IMMP2L: variants seen among roughly 807,000 people sequenced by gnomAD.
The protein encoded by IMMP2L is inner mitochondrial membrane peptidase subunit 2, also known as mitochondrial inner membrane protease subunit 2.
In IMMP2L, 18 loss-of-function variants were observed where a neutral mutation model predicts 19.3. That is an observed-to-expected ratio of 0.93 (90% CI 0.64 to 1.38). The LOEUF (loss-of-function observed/expected upper bound fraction) is 1.38, where lower values mean the gene tolerates loss of function less well. Among genes scored for constraint, IMMP2L ranks in the 40% most tolerant of loss-of-function variants. The pLI, the probability that IMMP2L is intolerant of heterozygous loss-of-function variation, is 0.00. For synonymous variants in IMMP2L, 76 were observed against 73.0 expected (o/e 1.04, Z -0.21); for missense variants, 233 against 218.2 (o/e 1.07, Z -0.43).
chr7:110,922,190 C>A (rs1261980246), intron 4 of IMMP2L, among the ~76,000 whole-genome samples: 1 of 152,106 alleles, frequency 6.6e-6, no homozygotes, highest in Non-Finnish European at 1.5e-5. Flanking sequence ...ATAGCTGTTA[C>A]CTATTTAAGA....
intron 3 of IMMP2L, among the ~76,000 whole-genome samples, chr7:110,996,368 A>G (rs1172073878): frequency 6.6e-6 from 1 of 152,122 alleles, no homozygotes; most frequent in African/African-American, 2.4e-5. Context: ...GCGGGAGCAG[A>G]GAGAACGAGA....
chr7:111,394,002 A>T (rs1246781009), intron 3 of IMMP2L, among the ~76,000 whole-genome samples: 1 of 152,186 alleles, frequency 6.6e-6, no homozygotes, highest in Admixed American at 6.5e-5. Flanking sequence ...ACTGATTTCA[A>T]AATAGGAAAC....
intron 5 of IMMP2L, among the ~76,000 whole-genome samples, chr7:110,744,649 C>A (rs1797208973): frequency 6.6e-6 from 1 of 152,172 alleles, no homozygotes; most frequent in Admixed American, 6.5e-5. Context: ...AGACCTGCAG[C>A]AGAGAGGCCT....
intron 2 of IMMP2L, among the ~76,000 whole-genome samples, chr7:111,504,695 A>C (rs1241081061): frequency 6.6e-6 from 1 of 152,208 alleles, no homozygotes; most frequent in Non-Finnish European, 1.5e-5. Context: ...GATCTTTGAC[A>C]AACCTGACAA....
intron 3 of IMMP2L, among the ~76,000 whole-genome samples, chr7:111,024,686 T>G (rs1826637945): frequency 6.6e-6 from 1 of 152,204 alleles, no homozygotes; most frequent in Admixed American, 6.5e-5. Context: ...TCCCTGGCTT[T>G]TATCCTTTCA....
chr7:110,954,864 G>T (rs1818207496), intron 4 of IMMP2L, among the ~76,000 whole-genome samples: 2 of 152,014 alleles, frequency 1.3e-5, no homozygotes, highest in South Asian at 4.1e-4. Context: ...ACAGGGGTGG[G>T]GAGAGTATCA....
chr7:110,700,656 G>A (rs1794217949), intron 5 of IMMP2L, among the ~76,000 whole-genome samples: 1 of 152,114 alleles, frequency 6.6e-6, no homozygotes. Context: ...GCTCTCCAGT[G>A]TTCATGGGTT....
intron 3 of IMMP2L, among the ~76,000 whole-genome samples, chr7:111,230,118 G>T (rs578188181): frequency 6.6e-6 from 1 of 152,038 alleles, no homozygotes; most frequent in African/African-American, 2.4e-5. Flanking sequence ...TGAGTTGCTG[G>T]GGTGACAGGG....
intron 3 of IMMP2L, among the ~76,000 whole-genome samples, chr7:111,363,055 T>C (rs1829412506): frequency 6.6e-6 from 1 of 152,144 alleles, no homozygotes; most frequent in African/African-American, 2.4e-5. Context: ...ATTCCTTCAC[T>C]ACTCCAAGTG....
At chr7:110,706,248 A>C (rs991449516) in intron 5 of IMMP2L, among the ~76,000 whole-genome samples, 5 of 152,012 alleles carry the variant, frequency 3.3e-5, no homozygotes, top group African/African-American at 4.8e-5. Context: ...GACTATGAGC[A>C]TGTGCCACCA....
intron 3 of IMMP2L, among the ~76,000 whole-genome samples, chr7:111,090,350 G>T (rs754555964): frequency 6.6e-6 from 1 of 151,712 alleles, no homozygotes; most frequent in Non-Finnish European, 1.5e-5. Flanking sequence ...TATTACAATC[G>T]AAATATTTCC....
intron 5 of IMMP2L, among the ~76,000 whole-genome samples, chr7:110,736,580 G>A (rs1441792908): frequency 1.3e-5 from 2 of 152,174 alleles, no homozygotes; most frequent in Admixed American, 6.5e-5. Context: ...TTCCACCCCA[G>A]TATATCCAGA....
intron 3 of IMMP2L, among the ~76,000 whole-genome samples, chr7:111,069,719 C>T (rs183441039): frequency 1.3e-5 from 2 of 151,998 alleles, no homozygotes; most frequent in East Asian, 3.9e-4. Flanking sequence ...CATGAGGAGG[C>T]GAGATGGGGT....
chr7:111,238,198 G>A (rs549173929), intron 3 of IMMP2L, among the ~76,000 whole-genome samples: 1 of 152,088 alleles, frequency 6.6e-6, no homozygotes, highest in South Asian at 2.1e-4. Flanking sequence ...GGAGTAATCA[G>A]AAAACAATCC....
At chr7:111,029,256 A>C (rs1395831790) in intron 3 of IMMP2L, among the ~76,000 whole-genome samples, 1 of 152,198 alleles carries the variant, frequency 6.6e-6, no homozygotes. Flanking sequence ...AAGGATGGTC[A>C]AACAGAGAAT....
intron 3 of IMMP2L, among the ~76,000 whole-genome samples, chr7:111,069,894 T>C (rs961550239): frequency 2.3e-4 from 35 of 152,182 alleles, no homozygotes; most frequent in African/African-American, 8.0e-4. Context: ...TAAAAAGTTA[T>C]TCTACTATTT....
At chr7:111,065,913 T>TGTGC (rs1554506172) in intron 3 of IMMP2L, among the ~76,000 whole-genome samples, 1 of 149,342 alleles carries the variant, frequency 6.7e-6, no homozygotes, top group East Asian at 2.0e-4. Context: ...TGTGTGTGTG[T>TGTGC]GCGCGCGCGT....
chr7:111,389,912 T>A (rs1008512187), intron 3 of IMMP2L, among the ~76,000 whole-genome samples: 1 of 152,132 alleles, frequency 6.6e-6, no homozygotes, highest in African/African-American at 2.4e-5. Flanking sequence ...TTAAAAGGTG[T>A]CTTGAACGTG....
At chr7:111,125,984 G>A (rs1001129088) in intron 3 of IMMP2L, among the ~76,000 whole-genome samples, 10 of 151,778 alleles carry the variant, frequency 6.6e-5, no homozygotes, top group East Asian at 3.9e-4. Context: ...CTACATCTCC[G>A]GCTAATTTTT....
Sources: allele counts gnomAD v4.1 joint callset (sites outside exome capture counted in the v4.1 genomes callset), GRCh38; gene constraint gnomAD v4.1.1; transcripts MANE v1.5; gene names NCBI Gene and HGNC (gene_info 2026-07-23, HGNC 2026-07-21).